WASF3: variants seen among roughly 807,000 people sequenced by gnomAD.
WASF3 encodes the protein WASP family member 3, also known as actin-binding protein WASF3.
WASF3 carries 11 observed loss-of-function variants against 46.6 expected under a neutral mutation model. The observed-to-expected ratio is 0.24, with a 90% CI of 0.15 to 0.39. The LOEUF is 0.39. Ranked by LOEUF, WASF3 falls within the 10% of genes least tolerant of loss-of-function variation. The pLI is 1.00. For missense variants in WASF3, 576 were observed against 669.8 expected, an observed-to-expected ratio of 0.86 and a Z score of 1.55; for synonymous variants, 242 against 259.7, an observed-to-expected ratio of 0.93 and a Z score of 0.65.
intron 3 of WASF3, among the ~76,000 whole-genome samples, chr13:26,648,392 A>G (rs1037716295): frequency 6.6e-6 from 1 of 152,198 alleles, no homozygotes; most frequent in African/African-American, 2.4e-5. Flanking sequence ...CAGTCAACCA[A>G]ATGCACTCTA....
intron 6 of WASF3, among the ~76,000 whole-genome samples, chr13:26,676,093 C>G (rs1441887685): frequency 6.6e-6 from 1 of 152,116 alleles, no homozygotes; most frequent in Non-Finnish European, 1.5e-5. Context: ...ATTCCGTAAT[C>G]TTTTAGAAAT....
intron 9 of WASF3, among the ~76,000 whole-genome samples, chr13:26,683,299 C>G (rs1883299269): frequency 6.6e-6 from 1 of 151,894 alleles, no homozygotes; most frequent in Admixed American, 6.6e-5. Flanking sequence ...TGGCAAAACT[C>G]TATCCCTACA....
chr13:26,619,284 C>T (rs1881232562), intron 2 of WASF3, among the ~76,000 whole-genome samples: 1 of 152,178 alleles, frequency 6.6e-6, no homozygotes, highest in South Asian at 2.1e-4. Flanking sequence ...CATTTAATCC[C>T]AAATCAAGGA....
At chr13:26,623,956 T>C (rs1157846278) in intron 2 of WASF3, among the ~76,000 whole-genome samples, 1 of 152,220 alleles carries the variant, frequency 6.6e-6, no homozygotes, top group Non-Finnish European at 1.5e-5. Context: ...CCTCAAACCC[T>C]GACTAGGTTG....
Position 26,682,495 on chromosome 13 carries a change from C to A in WASF3, c.984-112C>A. ...TTTGCATCCTGCCATGATTGAAGTTCAGGTGACAATACGTGTTGTGTCTGG... is the reference window on the plus strand; with the variant it reads ...TTTGCATCCTGCCATGATTGAAGTTAAGGTGACAATACGTGTTGTGTCTGG... On this transcript the variant is annotated intron_variant, in intron 8 of 9. Transcript: ENST00000335327. The surrounding 1 kb of genome is among the most constrained non-coding windows in gnomAD (Gnocchi z 4.4). 1 of 1,280,126 alleles carries A rather than the reference C, an allele frequency of 7.8e-7. No individual in the cohort carries two copies. The highest frequency in any genetic ancestry group is 1.1e-6 in the Non-Finnish European group (1 of 905,458). 79.3% of individuals were successfully genotyped at this position (1,280,126 alleles called of 1,614,324 possible).
At chr13:26,662,640 C>G (rs1193417157) in intron 3 of WASF3, among the ~76,000 whole-genome samples, 4 of 152,150 alleles carry the variant, frequency 2.6e-5, no homozygotes, top group Admixed American at 2.6e-4. Context: ...ACACTGGGGA[C>G]TACTGGATGG....
intron 2 of WASF3, chr13:26,638,117 G>A (rs1419929032): frequency 6.6e-6 from 1 of 152,182 alleles, no homozygotes; most frequent in Non-Finnish European, 1.5e-5. Context: ...GAGCCGATGA[G>A]GGGTTCTTGT....
chr13:26,618,924 T>C (rs536680950), intron 2 of WASF3: 2 of 152,334 alleles, frequency 1.3e-5, no homozygotes, highest in East Asian at 3.9e-4. Context: ...GTCCTTCCTG[T>C]CATATTTTTG....
At chr13:26,565,868 T>G (rs1431954566) in intron 1 of WASF3, among the ~76,000 whole-genome samples, 1 of 152,222 alleles carries the variant, frequency 6.6e-6, no homozygotes, top group Non-Finnish European at 1.5e-5. Context: ...TGTTTGTCCA[T>G]TGTGTTACAG....
intron 3 of WASF3, among the ~76,000 whole-genome samples, chr13:26,662,499 A>G (rs930726707): frequency 4.6e-5 from 7 of 152,254 alleles, no homozygotes; most frequent in Admixed American, 1.3e-4. Context: ...TTTTGCAGCA[A>G]CATGGATGCA....
intron 1 of WASF3, among the ~76,000 whole-genome samples, chr13:26,559,804 CTTTCTT>C (rs1479594109): frequency 3.9e-5 from 2 of 50,662 alleles, no homozygotes; most frequent in East Asian, 5.2e-4. Flanking sequence ...TTCTTTCTTT[CTTTCTT>C]TTTTTTTTTT....
Position 26,679,348 on chromosome 13 carries a change from T to C in WASF3, c.717-1706T>C, listed in dbSNP as rs1008810415. ...CCTCTTCCCCCAGCCCCCGTCCTCC[T>C]GATGGGCACCCTTCATCAGGGTTCT... On this transcript the variant is annotated intron_variant, in intron 7 of 9. Coordinates refer to ENST00000335327, the MANE Select transcript of WASF3 (RefSeq NM_006646.6). This position sits in a 1 kb window ranked among gnomAD's most constrained non-coding sequence, Gnocchi z 4.8. Among the ~76,000 whole-genome samples the C allele has an allele frequency of 4.9e-4, 75 of 152,318 alleles. No individual in the cohort carries two copies. The highest frequency in any genetic ancestry group is 3.4e-3 in the Middle Eastern group (1 of 294).
chr13:26,664,155 C>A (rs1230215527), intron 3 of WASF3, among the ~76,000 whole-genome samples: 1 of 152,188 alleles, frequency 6.6e-6, no homozygotes, highest in Non-Finnish European at 1.5e-5. Flanking sequence ...TAGGGTTATT[C>A]TTAACTCTAA....
chr13:26,673,842 G>A (rs1249467743), intron 6 of WASF3, among the ~76,000 whole-genome samples: 1 of 152,188 alleles, frequency 6.6e-6, no homozygotes, highest in Admixed American at 6.5e-5. Context: ...AGATGACCTG[G>A]TGTGTGACAG....
the WASF3 span, among the ~76,000 whole-genome samples, chr13:26,552,233 G>A: frequency 6.6e-6 from 1 of 152,292 alleles, no homozygotes; most frequent in Non-Finnish European, 1.5e-5. Context: ...ATGGGCAACA[G>A]ACCACATATC....
chr13:26,646,713 C>T (rs1048716155), intron 3 of WASF3, among the ~76,000 whole-genome samples: 25 of 151,404 alleles, frequency 1.7e-4, no homozygotes, highest in Admixed American at 2.6e-4. Context: ...CTTGAGCCTG[C>T]CCTGGTCATC....
chr13:26,561,542 A>ATCC (rs1879295465), intron 1 of WASF3, among the ~76,000 whole-genome samples: 5 of 152,152 alleles, frequency 3.3e-5, no homozygotes, highest in African/African-American at 4.8e-5. Flanking sequence ...GATAATCAGG[A>ATCC]GTTGTCTGGA....
Position 26,667,938 on chromosome 13 carries a change from C to CCTTAAGTAGCTACTTAAGTA in WASF3, c.422+277_422+278insCTACTTAAGTACTTAAGTAG, listed in dbSNP as rs1882820984. On this transcript the variant is annotated intron_variant, in intron 5 of 9. Coordinates refer to ENST00000335327, the MANE Select transcript of WASF3 (RefSeq NM_006646.6). ...TGATTTTAACTTTTAGATGTAGCTA[C>CCTTAAGTAGCTACTTAAGTA]CTTAAGTAGAAGTGAGTAAGTTGCA... Among the ~76,000 whole-genome samples the CCTTAAGTAGCTACTTAAGTA allele has an allele frequency of 2.0e-5, 3 of 152,130 alleles. No individual in the cohort carries two copies. In the South Asian group the frequency reaches 6.2e-4, roughly 32 times the overall value.
chr13:26,655,295 C>T (rs760511585), intron 3 of WASF3, among the ~76,000 whole-genome samples: 2 of 151,944 alleles, frequency 1.3e-5, no homozygotes. Context: ...ATGGAATGTC[C>T]GTTGGTCTGG....
Sources: gnomAD v4.1 joint callset for allele counts (sites outside exome capture counted in the v4.1 genomes callset) on GRCh38, gnomAD v4.1.1 for gene constraint, Gnocchi (gnomAD v3.1) non-coding constraint, MANE v1.5 for transcripts, NCBI Gene and HGNC (gene_info 2026-07-23, HGNC 2026-07-21) for gene names.